The following CTXND1 variants were observed in gnomAD, a reference collection of about 807,000 sequenced individuals.
CTXND1 encodes the protein cortexin domain-containing 1 protein.
chr15:80,236,364 A>G (rs949926015), intron 1 of CTXND1, among the ~76,000 whole-genome samples: 4 of 152,094 alleles, frequency 2.6e-5, no homozygotes, highest in Non-Finnish European at 4.4e-5. Context: ...TCATTTACAC[A>G]CTGTCTATGG....
intron 1 of CTXND1, among the ~76,000 whole-genome samples, chr15:80,248,910 G>A (rs185521795): frequency 6.6e-6 from 1 of 152,180 alleles, no homozygotes; most frequent in East Asian, 1.9e-4. Context: ...AGGCTGGGTT[G>A]CAGGAGTGGC....
chr15:80,230,671 T>C (rs984571376), intron 1 of CTXND1, among the ~76,000 whole-genome samples: 1 of 152,216 alleles, frequency 6.6e-6, no homozygotes, highest in Non-Finnish European at 1.5e-5. Flanking sequence ...ACATATGCAT[T>C]TGGAGCTATA....
rs187205893 is a variant in CTXND1 at position 80,250,708 on chromosome 15, C to A, written c.-218+1299G>T. ...GTTTTGCTTTTCCTCCGTAATGCCT[C>A]CTCAAAGCTGGTACATATCTTATGC... is the stretch of plus-strand genomic sequence containing the variant. On this transcript the variant is annotated intron_variant, in intron 1 of 2. Coordinates refer to ENST00000560778, the MANE Select transcript of CTXND1 (RefSeq NM_001352888.2). Among the ~76,000 whole-genome samples, 25 of 152,296 alleles carry A rather than the reference C, an allele frequency of 1.6e-4. No individual in the cohort carries two copies. In the East Asian group the frequency reaches 4.4e-3, roughly 27 times the overall value.
At chr15:80,227,060 A>G (rs764503) in intron 1 of CTXND1, among the ~76,000 whole-genome samples, 56,122 of 151,966 alleles carry the variant, frequency 0.37, 10,793 homozygotes, top group East Asian at 0.47. Context: ...TTGAGTGCAC[A>G]TAGCAGATGC....
rs2041445576 is a variant in CTXND1 at position 80,200,880 on chromosome 15, T to A, written c.*890A>T. On this transcript the variant is annotated 3_prime_UTR_variant, in exon 3 of 3. Transcript: ENST00000560778. Reference sequence around the variant, plus strand: ...TTAAATATGCAACCAAAGGAGATGATTTTTTAACCATGACCTACCCAACCG... The same window carrying A: ...TTAAATATGCAACCAAAGGAGATGAATTTTTAACCATGACCTACCCAACCG... The A allele has an allele frequency of 6.6e-6, 1 of 152,162 alleles. No homozygotes were observed. Among genetic ancestry groups the A allele is most frequent in the Non-Finnish European group, 1.5e-5 (1 of 68,016 alleles). 9.4% of individuals were successfully genotyped at this position (152,162 alleles called of 1,614,324 possible). A position where few individuals can be genotyped will look rare whatever the true frequency, so the allele number is the denominator to read the frequency against.
chr15:80,219,217 A>G (rs1441638889), intron 1 of CTXND1, among the ~76,000 whole-genome samples: 3 of 151,516 alleles, frequency 2.0e-5, no homozygotes, highest in African/African-American at 7.3e-5. Context: ...AGTACTTGGG[A>G]TTACAGGCAT....
At chr15:80,246,512 G>C (rs1893631823) in intron 1 of CTXND1, among the ~76,000 whole-genome samples, 1 of 152,240 alleles carries the variant, frequency 6.6e-6, no homozygotes, top group African/African-American at 2.4e-5. Flanking sequence ...CATGACATTG[G>C]AGGCAGCAGG....
At chr15:80,223,971 G>A (rs767208816) in intron 1 of CTXND1, among the ~76,000 whole-genome samples, 3 of 152,138 alleles carry the variant, frequency 2.0e-5, no homozygotes, top group Non-Finnish European at 2.9e-5. Context: ...GATAAAATGA[G>A]GTAGAAATGA....
At chr15:80,216,353 CAA>C (rs1893253334) in intron 1 of CTXND1, among the ~76,000 whole-genome samples, 1 of 152,164 alleles carries the variant, frequency 6.6e-6, no homozygotes, top group South Asian at 2.1e-4. Context: ...GACATACGCT[CAA>C]AGTTTTGCAA....
intron 1 of CTXND1, among the ~76,000 whole-genome samples, chr15:80,226,164 A>G (rs35222819): frequency 0.044 from 6,666 of 152,246 alleles, 194 homozygotes; most frequent in Non-Finnish European, 0.066. Flanking sequence ...GAAGTCCCCA[A>G]TTGTCCAGTT....
At chr15:80,219,894 A>G (rs1595906005) in intron 1 of CTXND1, among the ~76,000 whole-genome samples, 1 of 152,018 alleles carries the variant, frequency 6.6e-6, no homozygotes, top group South Asian at 2.1e-4. Context: ...TCTAAATATC[A>G]TTTCTTCGCT....
At chr15:80,220,243 A>T (rs1260098146) in intron 1 of CTXND1, among the ~76,000 whole-genome samples, 1 of 152,098 alleles carries the variant, frequency 6.6e-6, no homozygotes, top group Admixed American at 6.6e-5. Context: ...CATCTGAGAT[A>T]GTTTTTTTCA....
At chr15:80,215,459 T>A (rs1310037813) in intron 1 of CTXND1, among the ~76,000 whole-genome samples, 1 of 152,196 alleles carries the variant, frequency 6.6e-6, no homozygotes, top group East Asian at 1.9e-4. Flanking sequence ...AGAGGGTATG[T>A]CTCCTCTCCT....
In CTXND1 at chr15:80,215,640, C is replaced by T. The variant is rs147345927; in HGVS notation, c.-217-11900G>A. Among the ~76,000 whole-genome samples, 125 of 152,188 alleles carry T rather than the reference C, an allele frequency of 8.2e-4. 1 individual carries two copies. Among genetic ancestry groups the T allele is most frequent in the Admixed American group, 2.0e-3 (30 of 15,276 alleles). Reference sequence around the variant, plus strand: ...TGTCACAGCTTTTTAGATTTGTTGTCTCATATAGGGCACATTCCTGGGGCA... The same window carrying T: ...TGTCACAGCTTTTTAGATTTGTTGTTTCATATAGGGCACATTCCTGGGGCA... On this transcript the variant is annotated intron_variant, in intron 1 of 2. Transcript: ENST00000560778.
chr15:80,249,634 A>G (rs923309570), intron 1 of CTXND1, among the ~76,000 whole-genome samples: 1 of 152,348 alleles, frequency 6.6e-6, no homozygotes, highest in East Asian at 1.9e-4. Context: ...GCTTAAGGTC[A>G]TCTGACTTAG....
intron 1 of CTXND1, among the ~76,000 whole-genome samples, chr15:80,211,073 A>G (rs1480144879): frequency 1.3e-5 from 2 of 152,198 alleles, no homozygotes; most frequent in Non-Finnish European, 2.9e-5. Context: ...GTCCATAGCA[A>G]TGAGATCCTC....
At chr15:80,215,942 C>T (rs1893248069) in intron 1 of CTXND1, among the ~76,000 whole-genome samples, 2 of 152,114 alleles carry the variant, frequency 1.3e-5, no homozygotes, top group African/African-American at 4.8e-5. Flanking sequence ...TTCAAGGGTC[C>T]TGGGGGCCTC....
chr15:80,219,306 T>G (rs977356577), intron 1 of CTXND1, among the ~76,000 whole-genome samples: 6 of 152,122 alleles, frequency 3.9e-5, no homozygotes, highest in African/African-American at 1.4e-4. Context: ...TGCTACTTGC[T>G]TTTTCATTCA....
intron 1 of CTXND1, among the ~76,000 whole-genome samples, chr15:80,241,692 G>T (rs1742130674): frequency 6.6e-6 from 1 of 152,176 alleles, no homozygotes; most frequent in African/African-American, 2.4e-5. Flanking sequence ...TGATGGAACG[G>T]GGCCTCATGA....
Sources: allele counts gnomAD v4.1 joint callset (sites outside exome capture counted in the v4.1 genomes callset), GRCh38; gene constraint gnomAD v4.1.1; transcripts MANE v1.5; gene names NCBI Gene and HGNC (gene_info 2026-07-23, HGNC 2026-07-21).